SUMF1: variants seen among roughly 807,000 people sequenced by gnomAD.
SUMF1 encodes formylglycine-generating enzyme.
A neutral mutation model predicts 47.6 loss-of-function variants in SUMF1; 48 were observed. The observed-to-expected ratio is 1.01, with a 90% CI of 0.80 to 1.28. The LOEUF (loss-of-function observed/expected upper bound fraction) is 1.28. SUMF1 is among the 50% of genes most tolerant of loss of function. The pLI is 0.00. For missense variants in SUMF1, 571 were observed against 485.4 expected, an observed-to-expected ratio of 1.18 and a Z score of -1.66; for synonymous variants, 230 against 192.1, an observed-to-expected ratio of 1.20 and a Z score of -1.63.
At chr3:4,460,889 A>G (rs538237770) in intron 1 of SUMF1, among the ~76,000 whole-genome samples, 57 of 152,026 alleles carry the variant, frequency 3.7e-4, no homozygotes, top group Non-Finnish European at 6.9e-4. Context: ...TTCTGAGTTC[A>G]AGTGATACTC....
At chr3:4,212,677 G>A (rs889692166) in intron 8 of SUMF1, among the ~76,000 whole-genome samples, 1 of 152,140 alleles carries the variant, frequency 6.6e-6, no homozygotes. Context: ...AAGGTTACAC[G>A]AATTGTTAAC....
downstream of SUMF1, among the ~76,000 whole-genome samples, chr3:4,360,178 A>G (rs1256439063): frequency 3.4e-5 from 5 of 148,124 alleles, no homozygotes; most frequent in African/African-American, 1.0e-4. Context: ...TATTTCCTAC[A>G]TTAATTATTT....
At chr3:4,190,875 C>T (rs1014195116) in intron 8 of SUMF1, among the ~76,000 whole-genome samples, 1 of 152,078 alleles carries the variant, frequency 6.6e-6, no homozygotes, top group African/African-American at 2.4e-5. Flanking sequence ...TCTACTATGT[C>T]CCCACTATAA....
chr3:4,064,757 A>G (rs761725729), intron 9 of SUMF1, among the ~76,000 whole-genome samples: 1 of 152,168 alleles, frequency 6.6e-6, no homozygotes, highest in Non-Finnish European at 1.5e-5. Context: ...TACAGAACGC[A>G]TGCTCTTAAC....
At chr3:4,203,968 G>C (rs1695596646) in intron 8 of SUMF1, among the ~76,000 whole-genome samples, 1 of 151,254 alleles carries the variant, frequency 6.6e-6, no homozygotes, top group African/African-American at 2.4e-5. Context: ...TATTATTTTT[G>C]ATAAGTCCAT....
At chr3:4,372,497 G>C (rs1192286374) in intron 8 of SUMF1, among the ~76,000 whole-genome samples, 1 of 151,884 alleles carries the variant, frequency 6.6e-6, no homozygotes, top group African/African-American at 2.4e-5. Context: ...TTTATTAGTT[G>C]GTTCCTTCTT....
At chr3:4,260,795 A>C (rs1697069514) in intron 8 of SUMF1, among the ~76,000 whole-genome samples, 1 of 152,164 alleles carries the variant, frequency 6.6e-6, no homozygotes, top group African/African-American at 2.4e-5. Context: ...ACCAGTAGGC[A>C]GATTAATGCC....
intron 8 of SUMF1, among the ~76,000 whole-genome samples, chr3:4,138,534 G>A (rs1314702347): frequency 1.3e-5 from 2 of 152,084 alleles, no homozygotes; most frequent in African/African-American, 4.8e-5. Context: ...TGGACAGTAT[G>A]TGATAAAGTC....
intron 9 of SUMF1, among the ~76,000 whole-genome samples, chr3:4,062,905 T>A (rs1006032340): frequency 6.6e-6 from 1 of 151,944 alleles, no homozygotes. Context: ...AAATAAGGAG[T>A]TTTGTCTCTG....
intron 1 of SUMF1, among the ~76,000 whole-genome samples, chr3:4,455,780 G>T (rs912851511): frequency 6.6e-6 from 1 of 151,972 alleles, no homozygotes; most frequent in Admixed American, 6.6e-5. Flanking sequence ...TGGCTTCATG[G>T]CAGAATTCTA....
intron 8 of SUMF1, among the ~76,000 whole-genome samples, chr3:4,323,517 A>C (rs1247540901): frequency 6.6e-6 from 1 of 152,142 alleles, no homozygotes; most frequent in African/African-American, 2.4e-5. Flanking sequence ...AATTAGGTGG[A>C]TTTTATGGTA....
intron 3 of SUMF1, among the ~76,000 whole-genome samples, chr3:4,435,747 T>A (rs1409550139): frequency 2.0e-5 from 3 of 152,126 alleles, no homozygotes; most frequent in Non-Finnish European, 4.4e-5. Context: ...TGTAAAGTGA[T>A]GAAAGAAAGG....
intron 8 of SUMF1, chr3:4,303,897 G>T (rs906523117): frequency 1.6e-6 from 2 of 1,243,004 alleles, no homozygotes; most frequent in African/African-American, 1.6e-5. Context: ...CCTATTAATG[G>T]ATCGCAGCCG....
chr3:4,245,470 A>T (rs1418879762), intron 8 of SUMF1, among the ~76,000 whole-genome samples: 1 of 152,072 alleles, frequency 6.6e-6, no homozygotes, highest in Non-Finnish European at 1.5e-5. Flanking sequence ...TCTGTTTGTT[A>T]GTTTTCCTTC....
At chr3:4,186,902 AG>A (rs558086619) in intron 8 of SUMF1, among the ~76,000 whole-genome samples, 76 of 152,240 alleles carry the variant, frequency 5.0e-4, no homozygotes, top group African/African-American at 1.6e-3. Flanking sequence ...TTCCAGTAAA[AG>A]TTTAGATATA....
chr3:4,187,865 T>C lies in SUMF1; in HGVS notation c.1015-119120A>G, dbSNP rs575877887. ...CAAAATAATGTTTTTAATTTAACAGTATTTTCTGACCATACACCCGGACCT... is the reference window on the plus strand; with the variant it reads ...CAAAATAATGTTTTTAATTTAACAGCATTTTCTGACCATACACCCGGACCT... On this transcript the variant is annotated intron_variant and NMD_transcript_variant, in intron 8 of 12. Transcript: ENST00000448413. Among the ~76,000 whole-genome samples, 4 of 152,346 alleles carry C rather than the reference T, an allele frequency of 2.6e-5. No homozygotes were observed. The South Asian group carries it at 8.3e-4, about 32-fold the overall frequency.
intron 8 of SUMF1, among the ~76,000 whole-genome samples, chr3:4,081,797 C>T (rs547283629): frequency 1.3e-5 from 2 of 152,072 alleles, no homozygotes; most frequent in Non-Finnish European, 2.9e-5. Flanking sequence ...GGTGCAGCCA[C>T]AAAAGTATTT....
intron 8 of SUMF1, among the ~76,000 whole-genome samples, chr3:4,125,349 T>C (rs1693632974): frequency 6.6e-6 from 1 of 151,986 alleles, no homozygotes. Context: ...ATTTATTTAA[T>C]GGCACTGGTA....
At chr3:4,464,033 G>A (rs1559317751) in intron 1 of SUMF1, among the ~76,000 whole-genome samples, 2 of 152,054 alleles carry the variant, frequency 1.3e-5, no homozygotes, top group Non-Finnish European at 2.9e-5. Context: ...CCCTCACCTT[G>A]CCACACACAC....
Sources: allele counts gnomAD v4.1 joint callset (sites outside exome capture counted in the v4.1 genomes callset), GRCh38; gene constraint gnomAD v4.1.1; transcripts MANE v1.5; gene names NCBI Gene and HGNC (gene_info 2026-07-23, HGNC 2026-07-21).